ERBB4: variants seen among roughly 807,000 people sequenced by gnomAD.
ERBB4 encodes receptor tyrosine-protein kinase erbB-4.
ERBB4 carries 42 observed loss-of-function variants against 158.0 expected under a neutral mutation model. The ratio of observed to expected loss-of-function variants is 0.27; its 90% CI spans 0.21 to 0.34. The LOEUF is 0.34. ERBB4 is among the 10% of genes least tolerant of loss of function. ERBB4 has a pLI of 1.00. For synonymous variants in ERBB4, 583 were observed against 558.7 expected, an observed-to-expected ratio of 1.04 and a Z score of -0.61; for missense variants, 1,333 against 1,624.1, an observed-to-expected ratio of 0.82 and a Z score of 3.08.
chr2:211,607,221 T>G (rs763074174), intron 19 of ERBB4, among the ~76,000 whole-genome samples: 2 of 152,198 alleles, frequency 1.3e-5, no homozygotes, highest in Non-Finnish European at 2.9e-5. Context: ...GAAATTTATT[T>G]CTGACCATAA....
At chr2:212,350,011 GA>G (rs995980518) in intron 1 of ERBB4, among the ~76,000 whole-genome samples, 1 of 151,784 alleles carries the variant, frequency 6.6e-6, no homozygotes, top group Non-Finnish European at 1.5e-5. Flanking sequence ...TCCTTCCACA[GA>G]AAAAACTTTT....
chr2:211,789,190 C>A (rs1390286437), intron 3 of ERBB4, among the ~76,000 whole-genome samples: 1 of 152,112 alleles, frequency 6.6e-6, no homozygotes, highest in Non-Finnish European at 1.5e-5. Context: ...CTGTTCAATA[C>A]AAAAGCAATT....
At chr2:212,484,068 C>T (rs1689853401) in intron 1 of ERBB4, among the ~76,000 whole-genome samples, 1 of 152,054 alleles carries the variant, frequency 6.6e-6, no homozygotes, top group African/African-American at 2.4e-5. Flanking sequence ...TTTTCAGTTG[C>T]TTCTGGAGAG....
chr2:211,738,050 C>T (rs1047601213), intron 5 of ERBB4, among the ~76,000 whole-genome samples: 4 of 151,914 alleles, frequency 2.6e-5, no homozygotes, highest in African/African-American at 7.2e-5. Context: ...TAATACATTT[C>T]GTGGTTCAAG....
intron 1 of ERBB4, among the ~76,000 whole-genome samples, chr2:212,142,483 C>A (rs1406722934): frequency 2.0e-5 from 3 of 151,012 alleles, no homozygotes; most frequent in South Asian, 4.2e-4. Flanking sequence ...CCAGAAAGAT[C>A]TTTAGAGATC....
chr2:211,991,439 C>G (rs1193492266), intron 2 of ERBB4, among the ~76,000 whole-genome samples: 4 of 152,084 alleles, frequency 2.6e-5, no homozygotes, highest in Non-Finnish European at 5.9e-5. Context: ...ATACTGTCAT[C>G]TAGCAATATT....
At chr2:212,106,533 C>T (rs1559508346) in intron 2 of ERBB4, among the ~76,000 whole-genome samples, 2 of 152,144 alleles carry the variant, frequency 1.3e-5, no homozygotes, top group Non-Finnish European at 2.9e-5. Context: ...AATTTGCAGC[C>T]TGGCAATGTG....
chr2:212,146,373 C>T (rs937501828), intron 1 of ERBB4, among the ~76,000 whole-genome samples: 3 of 152,132 alleles, frequency 2.0e-5, no homozygotes, highest in African/African-American at 7.2e-5. Flanking sequence ...AAATAAATAG[C>T]CAAATACACA....
intron 20 of ERBB4, among the ~76,000 whole-genome samples, chr2:211,539,332 A>G (rs962668066): frequency 2.0e-5 from 3 of 151,932 alleles, no homozygotes; most frequent in African/African-American, 7.2e-5. Context: ...TGCTTCCATC[A>G]ATTGTAAAAA....
At chr2:211,423,642 C>T (rs1007527524) in intron 23 of ERBB4, among the ~76,000 whole-genome samples, 3 of 151,896 alleles carry the variant, frequency 2.0e-5, no homozygotes, top group Non-Finnish European at 4.4e-5. Flanking sequence ...TTTTAGCTCA[C>T]TATAGATTCA....
chr2:211,492,894 C>CT (rs1192934313), intron 20 of ERBB4, among the ~76,000 whole-genome samples: 1 of 152,142 alleles, frequency 6.6e-6, no homozygotes, highest in Non-Finnish European at 1.5e-5. Flanking sequence ...GATCAAGTCA[C>CT]TAAGTTCGAC....
At chr2:211,965,823 A>T (rs1294625740) in intron 2 of ERBB4, among the ~76,000 whole-genome samples, 8 of 152,234 alleles carry the variant, frequency 5.3e-5, no homozygotes, top group Non-Finnish European at 1.2e-4. Flanking sequence ...CTTTATTTAT[A>T]TATGAAAGCC....
At chr2:211,539,519 A>T (rs2066741943) in intron 20 of ERBB4, among the ~76,000 whole-genome samples, 1 of 152,020 alleles carries the variant, frequency 6.6e-6, no homozygotes, top group African/African-American at 2.4e-5. Context: ...ACTCATATAT[A>T]ATTTGTCCTC....
chr2:211,492,480 T>C (rs2065368452), intron 20 of ERBB4, among the ~76,000 whole-genome samples: 2 of 152,260 alleles, frequency 1.3e-5, no homozygotes, highest in South Asian at 4.1e-4. Context: ...TGAGGACTTA[T>C]TATGTGGCTG....
chr2:212,413,134 A>ATTTTTTTT (rs370397826), intron 1 of ERBB4, among the ~76,000 whole-genome samples: 270 of 101,168 alleles, frequency 2.7e-3, no homozygotes, highest in African/African-American at 6.3e-3. Context: ...TGCGTGGCTA[A>ATTTTTTTT]TTTTTTTTTT....
chr2:212,490,839 T>C (rs2106199343), intron 1 of ERBB4, among the ~76,000 whole-genome samples: 1 of 151,890 alleles, frequency 6.6e-6, no homozygotes, highest in Middle Eastern at 3.4e-3. Flanking sequence ...CAGTGTTTAG[T>C]AAATGGCTTT....
intron 25 of ERBB4, among the ~76,000 whole-genome samples, chr2:211,397,661 C>T (rs1267445195): frequency 1.3e-5 from 2 of 152,140 alleles, no homozygotes; most frequent in Non-Finnish European, 2.9e-5. Flanking sequence ...TGTTTCCCCA[C>T]TAAGGTTGAT....
intron 1 of ERBB4, among the ~76,000 whole-genome samples, chr2:212,492,473 AAG>A (rs1352965839): frequency 6.6e-6 from 1 of 151,498 alleles, no homozygotes; most frequent in Non-Finnish European, 1.5e-5. Flanking sequence ...ACATAAAAGA[AAG>A]AAAATTAATT....
chr2:211,941,842 T>C (rs1352476222), intron 3 of ERBB4, among the ~76,000 whole-genome samples: 3 of 150,604 alleles, frequency 2.0e-5, no homozygotes, highest in African/African-American at 7.4e-5. Flanking sequence ...AGGAAAACTA[T>C]AAACAAAACA....
Sources: gnomAD v4.1 joint callset for allele counts (sites outside exome capture counted in the v4.1 genomes callset) on GRCh38, gnomAD v4.1.1 for gene constraint, MANE v1.5 for transcripts, NCBI Gene and HGNC (gene_info 2026-07-23, HGNC 2026-07-21) for gene names.